PDIA4: variants seen among roughly 807,000 people sequenced by gnomAD.
The protein encoded by PDIA4 is protein disulfide isomerase family A member 4.
A neutral mutation model predicts 62.1 loss-of-function variants in PDIA4; 33 were observed. The observed-to-expected ratio is 0.53, with a 90% CI of 0.40 to 0.71. The LOEUF (loss-of-function observed/expected upper bound fraction) is 0.71. PDIA4 is among the 30% of genes least tolerant of loss of function. The pLI, the probability that PDIA4 is intolerant of heterozygous loss-of-function variation, is 0.00. For missense variants in PDIA4, 804 were observed against 813.6 expected (o/e 0.99, Z 0.14); for synonymous variants, 341 against 324.1 (o/e 1.05, Z -0.56).
chr7:149,018,972 G>A lies in PDIA4; in HGVS notation c.475+20C>T, dbSNP rs749265120. 4 of 1,579,006 alleles carry A rather than the reference G, an allele frequency of 2.5e-6. No homozygotes were observed. Among genetic ancestry groups the A allele is most frequent in the Non-Finnish European group, 3.5e-6 (4 of 1,149,346 alleles). On this transcript the variant is annotated intron_variant, in intron 3 of 9. Transcript: ENST00000652332. ...CTGCGGGAAGGAGTTCTTCCTCTAC[G>A]AGCTCAGGTACCAGCTCACCTTCCT... is the stretch of plus-strand genomic sequence containing the variant.
chr7:149,008,500 T>C (rs894084713), intron 6 of PDIA4, among the ~76,000 whole-genome samples, 190 bp from the exon 7 acceptor site: 1 of 151,940 alleles, frequency 6.6e-6, no homozygotes, highest in Admixed American at 6.6e-5. Context: ...GTTAGGAGTT[T>C]GAGACCAGCC....
At chr7:149,011,760 T>G in intron 6 of PDIA4, 86 bp downstream of exon 6, 1 of 1,107,136 alleles carries the variant, frequency 9.0e-7, no homozygotes, top group Middle Eastern at 2.1e-4. Flanking sequence ...CCCTAATGGA[T>G]GTCCCAGGAG....
At chr7:149,014,154 G>C (rs1242869065) in intron 4 of PDIA4, among the ~76,000 whole-genome samples, 1 of 152,146 alleles carries the variant, frequency 6.6e-6, no homozygotes, top group East Asian at 1.9e-4. Flanking sequence ...GCTTATCCAG[G>C]CATTGCCTGG....
intron 6 of PDIA4, 105 bp from the exon 7 acceptor site, chr7:149,008,415 T>C (rs1404029444): frequency 3.2e-6 from 4 of 1,243,018 alleles, no homozygotes; most frequent in Non-Finnish European, 4.6e-6. Flanking sequence ...AAATGACCAC[T>C]GTAGGCTGGG....
rs774105609 is a variant in PDIA4, at chr7:149,004,227, G to A, written c.1523-18C>T. The A allele has an allele frequency of 1.9e-6, 3 of 1,601,414 alleles. No homozygotes were observed. The highest frequency in any genetic ancestry group is 2.6e-6 in the Non-Finnish European group (3 of 1,173,196). On this transcript the variant is annotated intron_variant, in intron 9 of 9. Coordinates refer to ENST00000652332, the MANE Select transcript of PDIA4 (RefSeq NM_004911.5). ...CAGTTTTCCTGCCAAGGAAAGCAAG[G>A]CGGGAGGGGGCGTCAGTGCTGCAAA...
intron 4 of PDIA4, among the ~76,000 whole-genome samples, chr7:149,013,243 G>A (rs201189958): frequency 3.3e-5 from 5 of 152,054 alleles, no homozygotes; most frequent in South Asian, 2.1e-4. Context: ...GCAGGACTCC[G>A]TCTCAAAAAA....
rs762690248 is a variant in PDIA4 at position 149,011,932 on chromosome 7, T to G, written c.893A>C (p.Glu298Ala). ...KEILTLKQVQ[E>A]FLKDGDDVII... ...GACATCGTCTCCATCCTTCAGGAAC[T>G]CCTGGACCTGCTTCAGGGTCAGAAT... Residue 298 changes from glutamate (E) to alanine (A), a missense_variant, in exon 6 of 10, where the codon GAG (glutamate) becomes GCG (alanine). Transcript: ENST00000652332. The G allele has an allele frequency of 6.2e-7, 1 of 1,610,420 alleles. No individual in the cohort carries two copies. Among genetic ancestry groups the G allele is most frequent in the South Asian group, 1.1e-5 (1 of 90,680 alleles).
At chr7:149,020,357 A>G (rs1824299192) in intron 2 of PDIA4, among the ~76,000 whole-genome samples, 1 of 152,208 alleles carries the variant, frequency 6.6e-6, no homozygotes, top group Admixed American at 6.5e-5. Context: ...AGTGAAACAG[A>G]AAGGGCATGA....
chr7:149,004,260 G>T lies in PDIA4; in HGVS notation c.1523-51C>A, dbSNP rs193280016. 180 of 1,540,976 alleles carry T rather than the reference G, an allele frequency of 1.2e-4. 2 individuals carry two copies. The highest frequency in any genetic ancestry group is 8.9e-4 in the Admixed American group (49 of 54,986). On this transcript the variant is annotated intron_variant, in intron 9 of 9. Transcript: ENST00000652332. ...GGGCGTCAGTGCTGCAAAGGCCAAAGATTCTGGGGGCTCTCTCTGGACCAG... is the reference window on the plus strand; with the variant it reads ...GGGCGTCAGTGCTGCAAAGGCCAAATATTCTGGGGGCTCTCTCTGGACCAG...
intron 1 of PDIA4, 46 bp from the exon 2 acceptor site, chr7:149,021,193 T>A: frequency 1.3e-6 from 2 of 1,536,196 alleles, no homozygotes; most frequent in Non-Finnish European, 1.8e-6. Flanking sequence ...GTGGTGACTC[T>A]CCTTAAAACT....
chr7:149,016,968 A>G (rs1824159116), intron 3 of PDIA4, among the ~76,000 whole-genome samples: 2 of 152,232 alleles, frequency 1.3e-5, no homozygotes, highest in South Asian at 4.1e-4. Flanking sequence ...TTCTCTTTGT[A>G]TACGCCACAG....
At chr7:149,027,911 C>A (rs1042563474) in intron 1 of PDIA4, 3 of 486,980 alleles carry the variant, frequency 6.2e-6, no homozygotes, top group African/African-American at 3.9e-5. Flanking sequence ...CACGCCCTCG[C>A]CCCTTCTCTC....
chr7:149,005,919 G>A lies in PDIA4; in HGVS notation c.1266C>T (p.Asp422=), dbSNP rs761410890. 3.3e-6 allele frequency: 5 copies of A among 1,522,160 alleles called. No individual in the cohort carries two copies. The South Asian group carries it at 6.6e-5, about 20-fold the overall frequency. The allele number at this position is 1,522,160 out of a possible 1,614,324, so 94.3% of individuals were successfully genotyped here. The part of the protein sequence containing the change: ...RPLVVVYYSV[D]FSFDYRAATQ... ...CACCAGCTCTGTAATCAAAGCTGAA[G>A]TCCACACTGTAGTAGACGACCACCA... is the stretch of plus-strand genomic sequence containing the variant. Residue 422 remains aspartate, a synonymous_variant, in exon 8 of 10, where the codon GAC becomes GAT. Transcript: ENST00000652332.
chr7:149,005,316 G>C lies in PDIA4; in HGVS notation c.1347C>G (p.Thr449=). ...LEVAKDFPEY[T]FAIADEEDYA... is the part of the protein sequence containing the mutation. ...AGTCCTCTTCGTCCGCAATGGCAAAGGTGTACTCAGGGAAGTCCTTGGCCA... is the reference window on the plus strand; with the variant it reads ...AGTCCTCTTCGTCCGCAATGGCAAACGTGTACTCAGGGAAGTCCTTGGCCA... Residue 449 remains threonine, a synonymous_variant, in exon 9 of 10, where the codon ACC becomes ACG. Coordinates refer to ENST00000652332, the MANE Select transcript of PDIA4 (RefSeq NM_004911.5). 1 of 1,614,138 alleles carries C rather than the reference G, an allele frequency of 6.2e-7. No individual in the cohort carries two copies. Among genetic ancestry groups the C allele is most frequent in the Non-Finnish European group, 8.5e-7 (1 of 1,180,026 alleles).
chr7:149,006,615 G>A (rs1412757351), intron 7 of PDIA4, among the ~76,000 whole-genome samples: 1 of 152,200 alleles, frequency 6.6e-6, no homozygotes, highest in Non-Finnish European at 1.5e-5. Context: ...GTGTGGCACT[G>A]AAGGACAAGA....
intron 7 of PDIA4, among the ~76,000 whole-genome samples, chr7:149,006,724 G>A (rs1823770011): frequency 6.6e-6 from 1 of 152,228 alleles, no homozygotes. Context: ...GACAGCACTG[G>A]AGGGTGGGAT....
chr7:149,003,820 G>A lies in PDIA4; in HGVS notation c.1912C>T (p.Leu638=). ...SKFIEEHATK[L]SRTKEEL ...CAAAGCTCTTCCTTGGTCCTGCTCAGTTTTGTGGCATGTTCTTCTATAAAC... is the reference window on the plus strand; with the variant it reads ...CAAAGCTCTTCCTTGGTCCTGCTCAATTTTGTGGCATGTTCTTCTATAAAC... The change falls in exon 10 of 10, where the codon CTG becomes TTG. Residue 638 remains leucine (L), a synonymous_variant. Coordinates refer to ENST00000652332, the MANE Select transcript of PDIA4 (RefSeq NM_004911.5). 2 of 1,578,778 alleles carry A rather than the reference G, an allele frequency of 1.3e-6. No individual in the cohort carries two copies. The highest frequency in any genetic ancestry group is 1.7e-6 in the Non-Finnish European group (2 of 1,162,100).
intron 9 of PDIA4, among the ~76,000 whole-genome samples, chr7:149,004,446 A>G (rs1243976689): frequency 6.6e-6 from 1 of 152,216 alleles, no homozygotes; most frequent in Non-Finnish European, 1.5e-5. Flanking sequence ...GTCCTGTCAG[A>G]GAGGCCATCA....
chr7:149,008,661 T>C (rs1823841847), intron 6 of PDIA4, among the ~76,000 whole-genome samples: 1 of 150,712 alleles, frequency 6.6e-6, no homozygotes, highest in African/African-American at 2.4e-5. Flanking sequence ...TGAGCCGAGA[T>C]CACGCCACTG....
Sources: allele counts gnomAD v4.1 joint callset (sites outside exome capture counted in the v4.1 genomes callset), GRCh38; gene constraint gnomAD v4.1.1; transcripts MANE v1.5; gene names NCBI Gene and HGNC (gene_info 2026-07-23, HGNC 2026-07-21).